C6orf118: variants seen among roughly 807,000 people sequenced by gnomAD.
C6orf118 encodes the protein uncharacterized protein C6orf118.
Under a neutral mutation model 50.2 loss-of-function variants are expected in C6orf118, and 50 were observed. That is an observed-to-expected ratio of 1.00 (90% confidence interval 0.79 to 1.26). The LOEUF (loss-of-function observed/expected upper bound fraction) is 1.26. C6orf118 is among the 50% of genes most tolerant of loss of function. The pLI, the probability that C6orf118 is intolerant of heterozygous loss-of-function variation, is 0.00. For synonymous variants in C6orf118, 239 were observed against 230.9 expected (o/e 1.03, Z -0.32); for missense variants, 641 against 578.7 (o/e 1.11, Z -1.10).
chr6:165,282,645 C>CT (rs1247471709), intron 7 of C6orf118, among the ~76,000 whole-genome samples: 2 of 13,206 alleles, frequency 1.5e-4, no homozygotes, highest in Non-Finnish European at 2.8e-4. Flanking sequence ...ATACATTCAG[C>CT]TCTTTTTTTT....
intron 5 of C6orf118, among the ~76,000 whole-genome samples, chr6:165,297,772 C>G (rs996858991): frequency 2.6e-5 from 4 of 152,164 alleles, no homozygotes; most frequent in Non-Finnish European, 5.9e-5. Flanking sequence ...CCAAACTCCC[C>G]CCATGGACAC....
At chr6:165,296,734 C>T (rs1010549587) in intron 5 of C6orf118, among the ~76,000 whole-genome samples, 4 of 152,178 alleles carry the variant, frequency 2.6e-5, no homozygotes, top group Non-Finnish European at 5.9e-5. Context: ...TTCCTACCAC[C>T]CCTGAGAGGT....
intron 5 of C6orf118, among the ~76,000 whole-genome samples, chr6:165,295,505 G>C (rs964261255): frequency 6.6e-6 from 1 of 152,140 alleles, no homozygotes; most frequent in African/African-American, 2.4e-5. Flanking sequence ...TTTTCTCATA[G>C]TAGTTTGTAT....
chr6:165,280,197 G>T, intron 8 of C6orf118, 87 bp from the exon 9 acceptor site: 1 of 930,528 alleles, frequency 1.1e-6, no homozygotes, highest in Non-Finnish European at 1.6e-6. Context: ...ATCTATTTTA[G>T]ACACATTTAC....
Position 165,289,897 on chromosome 6 carries a change from T to A in C6orf118, c.1291A>T (p.Lys431Ter). ...GISDITENRI[K>*]SIEHEAIQLE... is the part of the protein sequence containing the mutation. ...AATAAGTTGCGTACCTCTATGCTTT[T>A]AATCCTATTCTCAGTGATATCTGAA... Residue 431 changes from lysine (K) to a stop codon, truncating the protein, a stop_gained, in exon 7 of 9, where the codon AAA (lysine) becomes TAA (stop). Transcript: ENST00000230301. LOFTEE classifies it high-confidence loss of function. 6.3e-7 allele frequency: 1 copy of A among 1,593,856 alleles called. No homozygotes were observed. Among genetic ancestry groups the A allele is most frequent in the South Asian group, 1.2e-5 (1 of 86,848 alleles).
In C6orf118 at chr6:165,293,419, G is replaced by A. The variant is rs748770627; in HGVS notation, c.1114C>T (p.Arg372Ter). Residue 372 changes from arginine (R) to a stop codon, truncating the protein, a stop_gained, in exon 6 of 9, where the codon CGA (arginine) becomes TGA (stop). Transcript: ENST00000230301. LOFTEE classifies it high-confidence loss of function. ...ACATCACACAGACACCTGCCTGATC[G>A]TTCCTTTGCAGACTGCAGCAATGCC... ...EVALLQSAKE[R>*]SESSEKHIID... 39 of 1,613,748 alleles carry A rather than the reference G, an allele frequency of 2.4e-5. 1 individual carries two copies. Among genetic ancestry groups the A allele is most frequent in the African/African-American group, 4.0e-5 (3 of 74,916 alleles).
chr6:165,301,687 G>A lies in C6orf118; in HGVS notation c.635C>T (p.Ala212Val). ...ACGCAGGAACATCCTGTACCTGTCT[G>A]CGCTGGTGGCTCCGGCCAGGTAGGA... Reference protein sequence around the residue: ...VSSYLAGATSADRYRMFLRFQ... With the variant: ...VSSYLAGATSVDRYRMFLRFQ... The change falls in exon 2 of 9, where the codon GCA (alanine) becomes GTA (valine). Residue 212 changes from alanine (A) to valine (V), a missense_variant. Physicochemically the swap from Ala to Val is moderately conservative, Grantham distance 64. Transcript: ENST00000230301. 2 of 1,614,206 alleles carry A rather than the reference G, an allele frequency of 1.2e-6. No individual in the cohort carries two copies. Among genetic ancestry groups the A allele is most frequent in the Non-Finnish European group, 1.7e-6 (2 of 1,180,028 alleles).
intron 2 of C6orf118, among the ~76,000 whole-genome samples, chr6:165,300,780 C>G (rs1020110156): frequency 1.3e-5 from 2 of 152,146 alleles, no homozygotes. Flanking sequence ...AAGGCCCTTT[C>G]TCTCTTCCAA....
intron 1 of C6orf118, 107 bp downstream of exon 1, chr6:165,309,455 C>A (rs539887408): frequency 7.2e-7 from 1 of 1,385,762 alleles, no homozygotes; most frequent in Non-Finnish European, 1.0e-6. Context: ...GTGCAGCCAC[C>A]AGAAAAAGAT....
chr6:165,281,283 T>C (rs917511551), intron 8 of C6orf118, among the ~76,000 whole-genome samples: 3 of 152,200 alleles, frequency 2.0e-5, no homozygotes, highest in Non-Finnish European at 4.4e-5. Flanking sequence ...TATGACTAAA[T>C]AAAGTGTACA....
intron 7 of C6orf118, among the ~76,000 whole-genome samples, chr6:165,287,602 C>T (rs367842748): frequency 7.2e-5 from 11 of 152,104 alleles, no homozygotes; most frequent in South Asian, 2.1e-4. Context: ...ACAAATGGAA[C>T]GGAATAGAGA....
intron 1 of C6orf118, among the ~76,000 whole-genome samples, chr6:165,303,354 T>C (rs905414156): frequency 7.8e-4 from 118 of 151,168 alleles, no homozygotes; most frequent in Middle Eastern, 3.4e-3. Flanking sequence ...ACTAAATGCC[T>C]ACAAGAGAAA....
At chr6:165,307,476 T>C (rs1220388877) in intron 1 of C6orf118, among the ~76,000 whole-genome samples, 1 of 151,714 alleles carries the variant, frequency 6.6e-6, no homozygotes, top group African/African-American at 2.4e-5. Flanking sequence ...CAAAATTGCT[T>C]GAACCTGGGA....
At chr6:165,289,697 C>T (rs1298938638) in intron 7 of C6orf118, among the ~76,000 whole-genome samples, 189 bp downstream of exon 7, 1 of 151,898 alleles carries the variant, frequency 6.6e-6, no homozygotes, top group African/African-American at 2.4e-5. Flanking sequence ...TATCACTTTC[C>T]TTTTTTCTTA....
At chr6:165,297,554 C>G (rs1201245014) in intron 5 of C6orf118, among the ~76,000 whole-genome samples, 1 of 151,990 alleles carries the variant, frequency 6.6e-6, no homozygotes, top group East Asian at 1.9e-4. Flanking sequence ...TTCCTTTAAT[C>G]TTTTTTCAAA....
intron 8 of C6orf118, among the ~76,000 whole-genome samples, chr6:165,280,897 C>A (rs1221365121): frequency 2.6e-5 from 4 of 152,266 alleles, no homozygotes; most frequent in Admixed American, 1.3e-4. Context: ...ACCTAAAAAT[C>A]TTTTTCCTGT....
At chr6:165,306,554 A>AG (rs1780742499) in intron 1 of C6orf118, among the ~76,000 whole-genome samples, 1 of 146,766 alleles carries the variant, frequency 6.8e-6, no homozygotes, top group Non-Finnish European at 1.5e-5. Context: ...AAAAAAAAAA[A>AG]AAAAAAAGAA....
chr6:165,305,026 G>A (rs1780674100), intron 1 of C6orf118, among the ~76,000 whole-genome samples: 1 of 81,076 alleles, frequency 1.2e-5, no homozygotes, highest in Non-Finnish European at 2.3e-5. Flanking sequence ...TCAATCCTAA[G>A]CCAAAAGAAC....
Position 165,301,825 on chromosome 6 carries a change from C to T in C6orf118, c.497G>A (p.Arg166Gln), listed in dbSNP as rs36007498. The T allele has an allele frequency of 1.2e-5, 19 of 1,613,760 alleles. No homozygotes were observed. Among genetic ancestry groups the T allele is most frequent in the Admixed American group, 6.7e-5 (4 of 59,996 alleles). The change falls in exon 2 of 9, where the codon CGG (arginine) becomes CAG (glutamine). Residue 166 changes from arginine to glutamine, a missense_variant. Coordinates refer to ENST00000230301, the MANE Select transcript of C6orf118 (RefSeq NM_144980.4). ...CCTCCTGCGCCATCCAGGAGGGCCC[C>T]GTCCAGGAGGGCCTCCTTTCTTTTC... ...KEEKKGGPPG[R>Q]GPPGWRRREE...
Sources: gnomAD v4.1 joint callset for allele counts (sites outside exome capture counted in the v4.1 genomes callset) on GRCh38, gnomAD v4.1.1 for gene constraint, MANE v1.5 for transcripts, NCBI Gene and HGNC (gene_info 2026-07-23, HGNC 2026-07-21) for gene names.